The following ELF4 variants were observed in gnomAD, a reference collection of about 807,000 sequenced individuals.
The protein encoded by ELF4 is E74 like ETS transcription factor 4.
ELF4 carries 10 observed loss-of-function variants against 31.7 expected under a neutral mutation model. That is an observed-to-expected ratio of 0.32 (90% CI 0.19 to 0.54). The LOEUF is 0.54. Among genes scored for constraint, ELF4 ranks in the 20% least tolerant of loss-of-function variants. The pLI, the probability that ELF4 is intolerant of heterozygous loss-of-function variation, is 0.95. For synonymous variants in ELF4, 208 were observed against 226.7 expected (o/e 0.92, Z 0.74); for missense variants, 418 against 522.0 (o/e 0.80, Z 1.94).
intron 1 of ELF4, among the ~76,000 whole-genome samples, chrX:130,104,319 C>T (rs971100732): frequency 9.3e-6 from 1 of 107,279 alleles, no homozygotes; most frequent in Non-Finnish European, 1.9e-5. Flanking sequence ...CACACACACA[C>T]CTTCTATTAC....
rs1010937860 is a variant in ELF4, at chrX:130,065,013, A to G, written c.*1708T>C. ...GCATAGTAAATACATTTGCACAACC[A>G]AACACAGTGCCCTCCAGGGGGCAGG... is the stretch of plus-strand genomic sequence containing the variant. On this transcript the variant is annotated 3_prime_UTR_variant, in exon 9 of 9. Coordinates refer to ENST00000308167, the MANE Select transcript of ELF4 (RefSeq NM_001421.4). The G allele has an allele frequency of 3.5e-5, 6 of 171,014 alleles. No homozygotes were observed. Among genetic ancestry groups the G allele is most frequent in the Non-Finnish European group, 6.7e-5 (6 of 89,245 alleles). 14.1% of individuals were successfully genotyped at this position (171,014 alleles called of 1,213,427 possible). A position where few individuals can be genotyped will look rare whatever the true frequency, so the allele number is the denominator to read the frequency against.
chrX:130,102,596 T>C (rs1449669497), intron 1 of ELF4, among the ~76,000 whole-genome samples: 1 of 109,913 alleles, frequency 9.1e-6, no homozygotes, highest in Non-Finnish European at 1.9e-5. Flanking sequence ...GGAGGATAGC[T>C]TGAGGCCAGG....
rs747156580 is a variant in ELF4 at position 130,070,611 on chromosome X, AC to A, written c.809+428del. ...ATAAATAAATAAAAATAAAAAAAAA[AC>A]ATACAAAAAATTAGCTGAGCGTGGT... On this transcript the variant is annotated intron_variant, in intron 7 of 8. Transcript: ENST00000308167. Among the ~76,000 whole-genome samples, 208 of 104,702 alleles carry A rather than the reference AC, an allele frequency of 2.0e-3. 1 individual carries two copies. Among genetic ancestry groups the A allele is most frequent in the African/African-American group, 7.0e-3 (202 of 28,713 alleles). The allele number at this position is 104,702 out of a possible 115,157, so 90.9% of individuals were successfully genotyped here. A position where few individuals can be genotyped will look rare whatever the true frequency, so the allele number is the denominator to read the frequency against.
At chrX:130,090,383 AAG>A (rs1933038297) in intron 1 of ELF4, among the ~76,000 whole-genome samples, 1 of 108,082 alleles carries the variant, frequency 9.3e-6, no homozygotes, top group Admixed American at 9.9e-5. Context: ...AAAAAAAAAA[AAG>A]AAGAAGAAGA....
intron 1 of ELF4, among the ~76,000 whole-genome samples, chrX:130,103,975 T>C (rs190081163): frequency 1.8e-5 from 2 of 112,274 alleles, no homozygotes; most frequent in African/African-American, 6.5e-5. Flanking sequence ...ACTCAAGGCC[T>C]CTGGGCATTG....
intron 2 of ELF4, among the ~76,000 whole-genome samples, chrX:130,080,467 A>AGGT (rs1268877798): frequency 9.2e-6 from 1 of 108,157 alleles, no homozygotes; most frequent in Non-Finnish European, 1.9e-5. Context: ...GGACTTGCTC[A>AGGT]GGTGACATTG....
chrX:130,073,924 T>C lies in ELF4; in HGVS notation c.340+125A>G, dbSNP rs1211308467. ...TACAAAAAGATAAAAGTCATATGTA[T>C]ATCGGTGGGTGTGGTGCATGTATAC... On this transcript the variant is annotated intron_variant, in intron 4 of 8. Transcript: ENST00000308167. 3.5e-5 allele frequency: 23 copies of C among 662,662 alleles called. No homozygotes were observed. In the Admixed American group the frequency reaches 5.4e-4, roughly 16 times the overall value. 54.6% of individuals were successfully genotyped at this position (662,662 alleles called of 1,213,427 possible).
At chrX:130,101,986 TA>T (rs899184149) in intron 1 of ELF4, among the ~76,000 whole-genome samples, 7 of 108,338 alleles carry the variant, frequency 6.5e-5, no homozygotes, top group Admixed American at 2.0e-4. Flanking sequence ...AAAATATATT[TA>T]AAAAAAAATT....
intron 2 of ELF4, among the ~76,000 whole-genome samples, chrX:130,080,423 CAAAA>C (rs3077212): frequency 0.01 from 568 of 56,327 alleles, 3 homozygotes; most frequent in Non-Finnish European, 0.015. Flanking sequence ...GACTTCGTTT[CAAAA>C]AAAAAAAAAA....
intron 1 of ELF4, 93 bp from the exon 2 acceptor site, chrX:130,081,632 G>A: frequency 2.7e-6 from 1 of 370,969 alleles, no homozygotes; most frequent in Non-Finnish European, 4.8e-6. Context: ...ACCCTGCCAT[G>A]CTAAGGCAGA....
chrX:130,090,454 A>G (rs1933039501), intron 1 of ELF4, among the ~76,000 whole-genome samples: 1 of 110,830 alleles, frequency 9.0e-6, no homozygotes, highest in African/African-American at 3.3e-5. Context: ...CCCCACCTCC[A>G]CAGTGCCTTC....
chrX:130,093,958 G>A (rs963850563), intron 1 of ELF4, among the ~76,000 whole-genome samples: 4 of 112,391 alleles, frequency 3.6e-5, no homozygotes, highest in East Asian at 2.8e-4. Flanking sequence ...GGGGCCGGGC[G>A]TGGTGGCTCA....
At position 130,065,322 on chromosome X, in the gene ELF4, G is replaced by C; in HGVS notation, c.*1399C>G. 1 of 176,018 alleles carries C rather than the reference G, an allele frequency of 5.7e-6. No individual in the cohort carries two copies. Among genetic ancestry groups the C allele is most frequent in the Non-Finnish European group, 1.1e-5 (1 of 91,742 alleles). 14.5% of individuals were successfully genotyped at this position (176,018 alleles called of 1,213,427 possible). On this transcript the variant is annotated 3_prime_UTR_variant, in exon 9 of 9. Transcript: ENST00000308167. ...GGCAATTGGCCTAGGGGTTGGCTTT[G>C]AGAGAGAATAGGTTGACCCTTCCTC...
intron 1 of ELF4, among the ~76,000 whole-genome samples, chrX:130,083,211 T>C (rs1010570614): frequency 9.7e-4 from 105 of 107,802 alleles, no homozygotes; most frequent in African/African-American, 3.1e-3. Context: ...GGCTGAGTAC[T>C]GGGAGGAGGC....
At chrX:130,092,651 A>C (rs1382255837) in intron 1 of ELF4, among the ~76,000 whole-genome samples, 1 of 112,062 alleles carries the variant, frequency 8.9e-6, no homozygotes, top group African/African-American at 3.2e-5. Context: ...TGGATAAAAA[A>C]CTGGAATATA....
In ELF4 at chrX:130,072,386, G is replaced by C. The variant is rs1462284951; in HGVS notation, c.372C>G (p.Asp124Glu). 8 of 1,210,794 alleles carry C rather than the reference G, an allele frequency of 6.6e-6. No homozygotes were observed. Among genetic ancestry groups the C allele is most frequent in the Non-Finnish European group, 8.9e-6 (8 of 895,350 alleles). The part of the protein sequence containing the change: ...FSTSEMLPDS[D>E]PAPAVTLPNY... Reference sequence around the variant, plus strand: ...TGGGCAGAGTGACAGCTGGTGCAGGGTCCGAGTCTGGAAGCATTTCGGAGG... The same window carrying C: ...TGGGCAGAGTGACAGCTGGTGCAGGCTCCGAGTCTGGAAGCATTTCGGAGG... Residue 124 changes from aspartate (D) to glutamate (E), a missense_variant, in exon 5 of 9, where the codon GAC (aspartate) becomes GAG (glutamate). By Grantham distance (45) the Asp-to-Glu change is conservative. This residue lies in a region of ELF4 where 88 missense variants were observed against 92.4 expected (regional missense o/e 0.95). Transcript: ENST00000308167.
In ELF4 at chrX:130,067,496, AG is replaced by A; in HGVS notation, c.1216del (p.Leu406Ter). ...GCCCGACCCCACGGGGGCCACTCCT[AG>A]GTGGATGTTGCTGGGCACTGAAGAT... ...SASSVPSNIH[L>X]GVAPVGSGSA... On this transcript the variant is annotated frameshift_variant, in exon 9 of 9. Transcript: ENST00000308167. LOFTEE classifies it high-confidence loss of function. 8.3e-7 allele frequency: 1 copy of A among 1,212,108 alleles called. No homozygotes were observed. The highest frequency in any genetic ancestry group is 1.1e-6 in the Non-Finnish European group (1 of 895,566).
At chrX:130,108,790 G>A (rs1043728427) in intron 1 of ELF4, among the ~76,000 whole-genome samples, 1 of 110,183 alleles carries the variant, frequency 9.1e-6, no homozygotes, top group Admixed American at 9.6e-5. Flanking sequence ...GAGGGTGGTA[G>A]CATGGAGCCT....
intron 7 of ELF4, 108 bp downstream of exon 7, chrX:130,070,932 T>C (rs1932782026): frequency 9.3e-7 from 1 of 1,076,229 alleles, no homozygotes. Flanking sequence ...GAGACTCGTT[T>C]CCTTAGGATC....
Sources: allele counts gnomAD v4.1 joint callset (sites outside exome capture counted in the v4.1 genomes callset), GRCh38; gene constraint gnomAD v4.1.1; regional missense constraint gnomAD v4.1.1; transcripts MANE v1.5; gene names NCBI Gene and HGNC (gene_info 2026-07-23, HGNC 2026-07-21).